The following CADM2 variants were observed in gnomAD, a reference collection of about 807,000 sequenced individuals.
CADM2 encodes the protein cell adhesion molecule 2.
Under a neutral mutation model 49.8 loss-of-function variants are expected in CADM2, and 12 were observed. The ratio of observed to expected loss-of-function variants is 0.24; its 90% CI spans 0.15 to 0.39. The LOEUF (loss-of-function observed/expected upper bound fraction) is 0.39, where lower values mean the gene tolerates loss of function less well. Ranked by LOEUF, CADM2 falls within the 10% of genes least tolerant of loss-of-function variation. The pLI is 1.00. For missense variants in CADM2, 378 were observed against 492.3 expected (o/e 0.77, Z 2.20); for synonymous variants, 214 against 175.4 (o/e 1.22, Z -1.74).
At position 85,386,223 on chromosome 3, in the gene CADM2, T is replaced by C. The variant is rs563760737; in HGVS notation, c.62-340299T>C. ...GGTAGCTAATTATTTTGAAAGTCAT[T>C]TTTGGTGGTGGTTACTTTGAGAGAT... On this transcript the variant is annotated intron_variant, in intron 1 of 9. Coordinates refer to ENST00000383699, the MANE Select transcript of CADM2 (RefSeq NM_001167675.2). Among the ~76,000 whole-genome samples the C allele has an allele frequency of 1.1e-4, 17 of 152,222 alleles. No individual in the cohort carries two copies. The East Asian group carries it at 3.1e-3, about 28-fold the overall frequency.
intron 1 of CADM2, among the ~76,000 whole-genome samples, chr3:85,484,904 G>A (rs79708822): frequency 1.6e-4 from 24 of 151,828 alleles, no homozygotes; most frequent in East Asian, 1.4e-3. Context: ...CATGTCTTAC[G>A]GAGACAGGCA....
intron 2 of CADM2, among the ~76,000 whole-genome samples, chr3:85,759,741 A>T (rs769546359): frequency 1.3e-5 from 2 of 152,112 alleles, no homozygotes; most frequent in Admixed American, 6.5e-5. Context: ...ACATAAAATT[A>T]TGGGATAGGA....
intron 1 of CADM2, among the ~76,000 whole-genome samples, chr3:85,707,201 A>G (rs1317387154): frequency 1.3e-5 from 2 of 151,982 alleles, no homozygotes; most frequent in Non-Finnish European, 2.9e-5. Context: ...CCAAATATCT[A>G]CTACTAAAGT....
At chr3:85,945,715 A>G (rs1010725265) in intron 7 of CADM2, among the ~76,000 whole-genome samples, 1 of 152,176 alleles carries the variant, frequency 6.6e-6, no homozygotes, top group Admixed American at 6.6e-5. Context: ...AAGGCCTTTG[A>G]TAAAATTCAA....
intron 1 of CADM2, among the ~76,000 whole-genome samples, chr3:85,157,773 G>A (rs1336163567): frequency 6.6e-6 from 1 of 151,766 alleles, no homozygotes; most frequent in Non-Finnish European, 1.5e-5. Flanking sequence ...TCAGGACATA[G>A]GCATGGGCAA....
intron 5 of CADM2, among the ~76,000 whole-genome samples, chr3:85,898,567 ATCTT>A (rs959064341): frequency 2.7e-5 from 4 of 148,522 alleles, no homozygotes; most frequent in Admixed American, 1.4e-4. Context: ...GTCTGTACAT[ATCTT>A]TCTTTTTTTT....
chr3:85,158,060 C>T (rs1158738707), intron 1 of CADM2, among the ~76,000 whole-genome samples: 2 of 152,140 alleles, frequency 1.3e-5, no homozygotes, highest in Non-Finnish European at 2.9e-5. Flanking sequence ...CAAAAGAAGC[C>T]ATTTATGCAG....
At chr3:86,027,379 A>G (rs1169343888) in intron 8 of CADM2, among the ~76,000 whole-genome samples, 1 of 152,174 alleles carries the variant, frequency 6.6e-6, no homozygotes, top group Non-Finnish European at 1.5e-5. Flanking sequence ...ACTGAGGAAA[A>G]CCTTCACAGC....
intron 5 of CADM2, among the ~76,000 whole-genome samples, chr3:85,903,729 ATGTC>A (rs1716436536): frequency 6.6e-6 from 1 of 151,342 alleles, no homozygotes; most frequent in Non-Finnish European, 1.5e-5. Context: ...CTCTCACTGA[ATGTC>A]TTTCTTTCCT....
chr3:85,610,105 G>A (rs1031857679), intron 1 of CADM2, among the ~76,000 whole-genome samples: 4 of 151,800 alleles, frequency 2.6e-5, no homozygotes, highest in Non-Finnish European at 5.9e-5. Flanking sequence ...TTTAAACAGG[G>A]CTCAAAGTGG....
chr3:85,389,234 C>A (rs1159725835), intron 1 of CADM2, among the ~76,000 whole-genome samples: 1 of 152,002 alleles, frequency 6.6e-6, no homozygotes, highest in African/African-American at 2.4e-5. Flanking sequence ...GTGAAGTACT[C>A]TTAAATCAAA....
intron 1 of CADM2, among the ~76,000 whole-genome samples, chr3:85,111,491 GT>G (rs1263439496): frequency 6.6e-6 from 1 of 151,798 alleles, no homozygotes; most frequent in Non-Finnish European, 1.5e-5. Context: ...AGATCATTAT[GT>G]TAAGTGAAGT....
chr3:86,070,618 A>T lies in CADM2; in HGVS notation c.*3835A>T, dbSNP rs896215439. 1.8e-5 allele frequency: 2 copies of T among 112,750 alleles called. No individual in the cohort carries two copies. The highest frequency in any genetic ancestry group is 8.7e-5 in the African/African-American group (2 of 22,898). The allele number at this position is 112,750 out of a possible 1,614,324, so 7.0% of individuals were successfully genotyped here. A position where few individuals can be genotyped will look rare whatever the true frequency, so the allele number is the denominator to read the frequency against. On this transcript the variant is annotated 3_prime_UTR_variant, in exon 10 of 10. Coordinates refer to ENST00000383699, the MANE Select transcript of CADM2 (RefSeq NM_001167675.2). The stretch of plus-strand genomic sequence containing the variant: ...TTCCCTTTGCAAATGGTAATTTCTG[A>T]TAAAACAATACAAAACAAAAAAAAA...
chr3:85,972,092 T>C (rs1213380747), intron 8 of CADM2, among the ~76,000 whole-genome samples: 1 of 151,606 alleles, frequency 6.6e-6, no homozygotes, highest in Non-Finnish European at 1.5e-5. Flanking sequence ...CTTCTCAACC[T>C]GGTGGTTATC....
chr3:85,439,156 T>C (rs1010686865), intron 1 of CADM2, among the ~76,000 whole-genome samples: 2 of 54,366 alleles, frequency 3.7e-5, no homozygotes, highest in East Asian at 4.0e-4. Flanking sequence ...TTATAATGAC[T>C]TTTTTTTTTT....
At chr3:85,290,137 A>G (rs955744561) in intron 1 of CADM2, among the ~76,000 whole-genome samples, 2 of 152,266 alleles carry the variant, frequency 1.3e-5, no homozygotes, top group Admixed American at 1.3e-4. Context: ...GGGAAGCGCA[A>G]GGGGTCAGGG....
intron 1 of CADM2, among the ~76,000 whole-genome samples, chr3:85,308,552 A>G (rs762117825): frequency 1.3e-5 from 2 of 151,990 alleles, no homozygotes; most frequent in Non-Finnish European, 2.9e-5. Context: ...CTATTGATTC[A>G]TCGTTAAATT....
intron 3 of CADM2, among the ~76,000 whole-genome samples, chr3:85,875,360 GTC>G (rs1246353949): frequency 2.0e-5 from 3 of 152,016 alleles, no homozygotes; most frequent in African/African-American, 7.2e-5. Flanking sequence ...AAGAATAAGA[GTC>G]TTCATCTTGC....
chr3:85,164,196 T>C (rs2040408314), intron 1 of CADM2, among the ~76,000 whole-genome samples: 1 of 152,034 alleles, frequency 6.6e-6, no homozygotes, highest in South Asian at 2.1e-4. Flanking sequence ...ATGTGTAATA[T>C]TGAGATGACT....
Sources: gnomAD v4.1 joint callset for allele counts (sites outside exome capture counted in the v4.1 genomes callset) on GRCh38, gnomAD v4.1.1 for gene constraint, MANE v1.5 for transcripts, NCBI Gene and HGNC (gene_info 2026-07-23, HGNC 2026-07-21) for gene names.